Variants in FAM240C observed in about 807,000 individuals in gnomAD.
FAM240C encodes protein FAM240C.
FAM240C carries 14 observed loss-of-function variants against 10.0 expected under a neutral mutation model. The observed-to-expected ratio is 1.40, with a 90% CI of 0.92 to 2.19. The LOEUF (loss-of-function observed/expected upper bound fraction) is 2.19. Ranked by LOEUF, FAM240C falls within the 30% of genes most tolerant of loss-of-function variation. The probability of loss-of-function intolerance (pLI) is 0.00; values close to 1 mark genes in which losing one functional copy is unlikely to be tolerated. For synonymous variants in FAM240C, 49 were observed against 44.3 expected (o/e 1.11, Z -0.42); for missense variants, 154 against 122.3 (o/e 1.26, Z -1.22).
chr2:241,896,586 T>TGGGGG (rs1701816782), intron 2 of FAM240C, among the ~76,000 whole-genome samples: 2 of 100,424 alleles, frequency 2.0e-5, no homozygotes, highest in Non-Finnish European at 3.9e-5. Context: ...GGTGTGGGTG[T>TGGGGG]TGGGGTGTGG....
chr2:241,898,920 T>C (rs2124926370), intron 1 of FAM240C, among the ~76,000 whole-genome samples: 1 of 152,332 alleles, frequency 6.6e-6, no homozygotes, highest in East Asian at 1.9e-4. Flanking sequence ...GGCAGAGCCA[T>C]TTCTGCAGCC....
rs1172686379 is a variant in FAM240C, at chr2:241,894,586, G to T, written c.162-247C>A. On this transcript the variant is annotated intron_variant, in intron 2 of 2. Coordinates refer to ENST00000404031, the MANE Select transcript of FAM240C (RefSeq NM_001382368.1). ...ACCAGTGGTTGGTGGGGGGGGGGGG[G>T]GGCGTCTCACTCAGGACCCTCCTCA... Among the ~76,000 whole-genome samples the T allele has an allele frequency of 3.0e-5, 4 of 132,876 alleles. 1 individual carries two copies. Among genetic ancestry groups the T allele is most frequent in the South Asian group, 5.3e-4 (2 of 3,792 alleles). The allele number at this position is 132,876 out of a possible 152,430, so 87.2% of individuals were successfully genotyped here. A position where few individuals can be genotyped will look rare whatever the true frequency, so the allele number is the denominator to read the frequency against.
rs66905902 is a variant in FAM240C at position 241,894,573 on chromosome 2, TGGGGGG to T, written c.162-240_162-235del. ...GCTCAGGCTGCTGACCAGTGGTTGG[TGGGGGG>T]GGGGGGGGGCGTCTCACTCAGGACC... On this transcript the variant is annotated intron_variant, in intron 2 of 2. Coordinates refer to ENST00000404031, the MANE Select transcript of FAM240C (RefSeq NM_001382368.1). Among the ~76,000 whole-genome samples the T allele has an allele frequency of 3.4e-4, 24 of 70,500 alleles. 1 individual carries two copies. Among genetic ancestry groups the T allele is most frequent in the East Asian group, 2.5e-3 (10 of 3,944 alleles). The allele number at this position is 70,500 out of a possible 152,430, so 46.3% of individuals were successfully genotyped here. A position where few individuals can be genotyped will look rare whatever the true frequency, so the allele number is the denominator to read the frequency against.
Position 241,894,010 on chromosome 2 carries a change from G to T in FAM240C, c.*203C>A. 1 of 477,696 alleles carries T rather than the reference G, an allele frequency of 2.1e-6. No individual in the cohort carries two copies. The highest frequency in any genetic ancestry group is 5.7e-5 in the South Asian group (1 of 17,690). 29.6% of individuals were successfully genotyped at this position (477,696 alleles called of 1,614,324 possible). ...CAATCCAATTGACTTAGGTTTTATT[G>T]GGCACCAGAGATGCGCTAGAGAACC... is the stretch of plus-strand genomic sequence containing the variant. On this transcript the variant is annotated 3_prime_UTR_variant, in exon 3 of 3. Coordinates refer to ENST00000404031, the MANE Select transcript of FAM240C (RefSeq NM_001382368.1).
intron 1 of FAM240C, chr2:241,899,193 G>C: frequency 7.7e-7 from 1 of 1,304,062 alleles, no homozygotes; most frequent in Non-Finnish European, 1.0e-6. Flanking sequence ...GGACTCCTTC[G>C]AGGAGCTTGA....
chr2:241,897,034 T>C (rs1013437302), intron 2 of FAM240C, among the ~76,000 whole-genome samples, 152 bp downstream of exon 2: 1 of 151,904 alleles, frequency 6.6e-6, no homozygotes, highest in East Asian at 1.9e-4. Context: ...TCCTCCTGGG[T>C]TGACTCCTTT....
At position 241,896,540 on chromosome 2, in the gene FAM240C, GGTGTTGGGGTGTGT is replaced by G. The variant is rs1559468308; in HGVS notation, c.161+632_161+645del. ...GTTGGGGTGTGGGTGTTGGGGTGTGGGTGTTGGGGTGTGTGTGTTGGGGTGTGGGTGTGGGGGTG... is the reference window on the plus strand; with the variant it reads ...GTTGGGGTGTGGGTGTTGGGGTGTGGGTGTTGGGGTGTGGGTGTGGGGGTG... On this transcript the variant is annotated intron_variant, in intron 2 of 2. Coordinates refer to ENST00000404031, the MANE Select transcript of FAM240C (RefSeq NM_001382368.1). Among the ~76,000 whole-genome samples, 76 of 105,692 alleles carry G rather than the reference GGTGTTGGGGTGTGT, an allele frequency of 7.2e-4. 4 individuals carry two copies. Among genetic ancestry groups the G allele is most frequent in the African/African-American group, 1.8e-3 (61 of 32,990 alleles). The allele number at this position is 105,692 out of a possible 152,430, so 69.3% of individuals were successfully genotyped here.
At chr2:241,897,650 C>A (rs921109554) in intron 1 of FAM240C, among the ~76,000 whole-genome samples, 1 of 152,198 alleles carries the variant, frequency 6.6e-6, no homozygotes, top group Non-Finnish European at 1.5e-5. Flanking sequence ...ACTTCTAACT[C>A]TCTGTGTGTT....
intron 2 of FAM240C, among the ~76,000 whole-genome samples, chr2:241,894,991 G>C (rs553759512): frequency 6.6e-6 from 1 of 152,214 alleles, no homozygotes; most frequent in African/African-American, 2.4e-5. Context: ...CCACCTGCCC[G>C]CAGCTGCCGC....
chr2:241,900,862 A>AC (rs1441339722), upstream of FAM240C, among the ~76,000 whole-genome samples: 2 of 151,942 alleles, frequency 1.3e-5, no homozygotes, highest in African/African-American at 4.8e-5. The surrounding 1 kb of genome is among the most constrained non-coding windows in gnomAD (Gnocchi z 4.5). Flanking sequence ...TCTCTGCCCC[A>AC]CCCATACATG....
intron 2 of FAM240C, among the ~76,000 whole-genome samples, chr2:241,895,518 T>C (rs1348457802): frequency 6.6e-6 from 1 of 152,218 alleles, no homozygotes; most frequent in Non-Finnish European, 1.5e-5. Flanking sequence ...GGCCTGGCCC[T>C]TGGGCTCACA....
chr2:241,899,034 A>C, intron 1 of FAM240C: 1 of 970,424 alleles, frequency 1.0e-6, no homozygotes, highest in African/African-American at 1.7e-5. Context: ...GCTGGGGAAG[A>C]ACACAGGGTG....
At chr2:241,897,474 G>A in intron 1 of FAM240C, 140 bp from the exon 2 acceptor site, 2 of 1,008,308 alleles carry the variant, frequency 2.0e-6, no homozygotes, top group South Asian at 3.3e-5. Context: ...CGTGGGGGAT[G>A]GCGGAGGCTG....
intron 2 of FAM240C, among the ~76,000 whole-genome samples, chr2:241,895,636 C>T (rs944863422): frequency 6.6e-6 from 1 of 152,224 alleles, no homozygotes; most frequent in Non-Finnish European, 1.5e-5. Context: ...AGTGGTTGGC[C>T]TCGTGGCCTG....
chr2:241,900,610 C>T (rs1575422601), upstream of FAM240C, among the ~76,000 whole-genome samples: 2 of 152,176 alleles, frequency 1.3e-5, no homozygotes, highest in Admixed American at 6.5e-5. This position sits in a 1 kb window ranked among gnomAD's most constrained non-coding sequence, Gnocchi z 4.5. Flanking sequence ...GCCAGCTGGG[C>T]CTCCTCTGCC....
upstream of FAM240C, chr2:241,900,505 C>A (rs1361868116): frequency 4.6e-6 from 3 of 656,600 alleles, no homozygotes; most frequent in Non-Finnish European, 5.7e-6. The surrounding 1 kb of genome is among the most constrained non-coding windows in gnomAD (Gnocchi z 4.5). Context: ...TCGGTTCAGT[C>A]CCAGAAAGAC....
intron 2 of FAM240C, among the ~76,000 whole-genome samples, chr2:241,895,122 A>G (rs559428155): frequency 3.3e-5 from 5 of 152,332 alleles, no homozygotes; most frequent in Admixed American, 1.3e-4. Context: ...GACCCAGATG[A>G]CGATGGTGCT....
chr2:241,894,195 T>G lies in FAM240C; in HGVS notation c.*18A>C, dbSNP rs1353116565. On this transcript the variant is annotated 3_prime_UTR_variant, in exon 3 of 3. Transcript: ENST00000404031. Reference sequence around the variant, plus strand: ...TGACCCTCCGGAAGCTCATGCAGAGTCTGGAGCTCGTGGGCCCTCAGGCCG... The same window carrying G: ...TGACCCTCCGGAAGCTCATGCAGAGGCTGGAGCTCGTGGGCCCTCAGGCCG... 3.9e-6 allele frequency: 6 copies of G among 1,546,924 alleles called. No homozygotes were observed. The highest frequency in any genetic ancestry group is 5.2e-6 in the Non-Finnish European group (6 of 1,144,676).
intron 2 of FAM240C, 94 bp from the exon 3 acceptor site, chr2:241,894,433 G>A (rs767172006): frequency 7.1e-7 from 1 of 1,402,990 alleles, no homozygotes; most frequent in African/African-American, 1.4e-5. Context: ...GCACCTGTGA[G>A]AGCAGGAGTA....
Sources: gnomAD v4.1 joint callset for allele counts (sites outside exome capture counted in the v4.1 genomes callset) on GRCh38, gnomAD v4.1.1 for gene constraint, Gnocchi (gnomAD v3.1) non-coding constraint, MANE v1.5 for transcripts, NCBI Gene and HGNC (gene_info 2026-07-23, HGNC 2026-07-21) for gene names.